The following NREP variants were observed in gnomAD, a reference collection of about 807,000 sequenced individuals.
The protein encoded by NREP is neuronal regeneration-related protein.
NREP carries 5 observed loss-of-function variants against 8.6 expected under a neutral mutation model. The observed-to-expected ratio is 0.58, with a 90% confidence interval of 0.30 to 1.22. NREP has a LOEUF of 1.22. NREP is among the 50% of genes most tolerant of loss of function. The pLI, the probability that NREP is intolerant of heterozygous loss-of-function variation, is 0.07. For synonymous variants in NREP, 27 were observed against 28.0 expected (o/e 0.96, Z 0.11); for missense variants, 86 against 82.5 (o/e 1.04, Z -0.17).
intron 2 of NREP, among the ~76,000 whole-genome samples, chr5:111,800,051 C>T (rs931664041): frequency 6.6e-6 from 1 of 151,092 alleles, no homozygotes; most frequent in East Asian, 1.9e-4. Flanking sequence ...TCCTGAGTAG[C>T]TGGGACTATA....
intron 2 of NREP, among the ~76,000 whole-genome samples, chr5:111,937,256 G>GTT (rs1755709344): frequency 6.6e-6 from 1 of 152,110 alleles, no homozygotes; most frequent in Non-Finnish European, 1.5e-5. Context: ...GCAGATAAGT[G>GTT]TAACACCCTA....
intron 2 of NREP, among the ~76,000 whole-genome samples, chr5:111,930,131 C>G (rs1755495857): frequency 1.3e-5 from 2 of 152,264 alleles, no homozygotes; most frequent in South Asian, 4.1e-4. Flanking sequence ...GCAACTAGGC[C>G]TATGGCCCTC....
chr5:111,921,716 G>T (rs978203751), intron 2 of NREP, among the ~76,000 whole-genome samples: 1 of 152,114 alleles, frequency 6.6e-6, no homozygotes, highest in African/African-American at 2.4e-5. Context: ...AGCTGATATG[G>T]TTTGGCTGTG....
chr5:111,960,218 G>A (rs1324774205), intron 2 of NREP, among the ~76,000 whole-genome samples: 1 of 152,078 alleles, frequency 6.6e-6, no homozygotes, highest in East Asian at 1.9e-4. Context: ...GAATCTGTGT[G>A]CATCTTCAAT....
intron 2 of NREP, among the ~76,000 whole-genome samples, chr5:111,934,239 G>T (rs1039003096): frequency 6.6e-5 from 10 of 151,998 alleles, no homozygotes; most frequent in Admixed American, 3.9e-4. Context: ...GCGGGCATAC[G>T]TTGGGTTATA....
At chr5:111,908,650 C>T (rs977258837) in intron 2 of NREP, among the ~76,000 whole-genome samples, 1 of 148,612 alleles carries the variant, frequency 6.7e-6, no homozygotes, top group African/African-American at 2.6e-5. Context: ...TGTATACATA[C>T]CACTTTTTTT....
At chr5:111,790,999 G>C (rs951663083) in intron 2 of NREP, among the ~76,000 whole-genome samples, 4 of 152,150 alleles carry the variant, frequency 2.6e-5, no homozygotes, top group Non-Finnish European at 4.4e-5. Flanking sequence ...TATGTGCAGG[G>C]TGGGAGAGGG....
intron 2 of NREP, among the ~76,000 whole-genome samples, chr5:111,806,671 C>A (rs906029621): frequency 6.6e-6 from 1 of 152,148 alleles, no homozygotes; most frequent in Non-Finnish European, 1.5e-5. Context: ...CTTTCTAGCC[C>A]TGACTGTTTA....
chr5:111,763,754 ATGTGTGTG>A (rs3067515), intron 2 of NREP, among the ~76,000 whole-genome samples: 5 of 146,276 alleles, frequency 3.4e-5, no homozygotes, highest in African/African-American at 8.2e-5. Context: ...GTACGTCTGT[ATGTGTGTG>A]TGTGTGTGTG....
intron 2 of NREP, among the ~76,000 whole-genome samples, chr5:111,856,483 G>C (rs913288257): frequency 6.6e-6 from 1 of 152,118 alleles, no homozygotes; most frequent in Non-Finnish European, 1.5e-5. Flanking sequence ...TTGGTGTTCT[G>C]TATAAAGTAC....
chr5:111,915,251 T>G (rs572865950), intron 2 of NREP, among the ~76,000 whole-genome samples: 57 of 152,266 alleles, frequency 3.7e-4, no homozygotes, highest in Non-Finnish European at 7.2e-4. Context: ...TGTTCTGGCC[T>G]CAGGTCAGGA....
intron 1 of NREP, chr5:111,756,234 A>T (rs1750693754): frequency 1.0e-6 from 1 of 980,640 alleles, no homozygotes; most frequent in Non-Finnish European, 1.2e-6. Context: ...TCCACCGTGT[A>T]GTGTAATGCC....
At chr5:111,848,228 T>G (rs1753227341) in intron 2 of NREP, among the ~76,000 whole-genome samples, 1 of 152,262 alleles carries the variant, frequency 6.6e-6, no homozygotes, top group South Asian at 2.1e-4. Flanking sequence ...TAAAAGTTAG[T>G]AAGTTCTTTC....
chr5:111,879,551 A>T (rs531455917), intron 2 of NREP, among the ~76,000 whole-genome samples: 17 of 152,302 alleles, frequency 1.1e-4, no homozygotes, highest in African/African-American at 3.9e-4. Flanking sequence ...AAATATCTTA[A>T]GTACAGGTAC....
At chr5:111,785,905 G>A (rs1297450620) in intron 2 of NREP, among the ~76,000 whole-genome samples, 1 of 152,180 alleles carries the variant, frequency 6.6e-6, no homozygotes, top group Non-Finnish European at 1.5e-5. Context: ...GATGGATAGG[G>A]AGAGGGAAGA....
At chr5:111,973,677 A>C (rs903235932) in intron 2 of NREP, among the ~76,000 whole-genome samples, 6 of 152,306 alleles carry the variant, frequency 3.9e-5, no homozygotes, top group Admixed American at 2.6e-4. Context: ...GCTCAAGCTT[A>C]TGACTACCTT....
chr5:111,933,970 C>A (rs1493455), intron 2 of NREP, among the ~76,000 whole-genome samples: 15,149 of 152,078 alleles, frequency 0.1, 1,148 homozygotes, highest in African/African-American at 0.21. Context: ...GACTTTATTC[C>A]AAAGCTTAGT....
At chr5:111,963,045 T>C (rs771232468) in intron 2 of NREP, among the ~76,000 whole-genome samples, 6 of 152,256 alleles carry the variant, frequency 3.9e-5, no homozygotes, top group Non-Finnish European at 8.8e-5. Context: ...CATTTGCCCT[T>C]GCTGGTGGAG....
chr5:111,952,282 G>C (rs961629165), intron 2 of NREP, among the ~76,000 whole-genome samples: 1 of 152,096 alleles, frequency 6.6e-6, no homozygotes, highest in Admixed American at 6.6e-5. Context: ...AGCCAGTTAG[G>C]CAAGAATGAG....
Sources: gnomAD v4.1 joint callset for allele counts (sites outside exome capture counted in the v4.1 genomes callset) on GRCh38, gnomAD v4.1.1 for gene constraint, MANE v1.5 for transcripts, NCBI Gene and HGNC (gene_info 2026-07-23, HGNC 2026-07-21) for gene names.